The following RABGAP1L variants were observed in gnomAD, a reference collection of about 807,000 sequenced individuals.
The protein encoded by RABGAP1L is RAB GTPase activating protein 1 like.
A neutral mutation model predicts 137.7 loss-of-function variants in RABGAP1L; 63 were observed. That is an observed-to-expected ratio of 0.46 (90% CI 0.37 to 0.56). The LOEUF (loss-of-function observed/expected upper bound fraction) is 0.56. Ranked by LOEUF, RABGAP1L falls within the 20% of genes least tolerant of loss-of-function variation. The pLI, the probability that RABGAP1L is intolerant of heterozygous loss-of-function variation, is 0.00. For missense variants in RABGAP1L, 1,095 were observed against 1,244.0 expected (o/e 0.88, Z 1.80); for synonymous variants, 431 against 433.7 (o/e 0.99, Z 0.08).
intron 23 of RABGAP1L, 28 bp downstream of exon 23, chr1:174,978,918 T>C (rs1363021092): frequency 6.8e-7 from 1 of 1,469,448 alleles, no homozygotes; most frequent in Non-Finnish European, 9.0e-7. Context: ...CACATAGAGC[T>C]AGTTATAGTT....
intron 13 of RABGAP1L, among the ~76,000 whole-genome samples, chr1:174,611,352 A>G (rs914110395): frequency 1.4e-4 from 22 of 152,148 alleles, no homozygotes; most frequent in South Asian, 2.1e-4. Context: ...GTTTGTCAAA[A>G]ATCAGATAGT....
intron 17 of RABGAP1L, among the ~76,000 whole-genome samples, chr1:174,739,709 T>C (rs2148646868): frequency 1.3e-5 from 2 of 152,372 alleles, no homozygotes; most frequent in South Asian, 2.1e-4. Flanking sequence ...AACTTGTCAT[T>C]CCAGTCTTAA....
chr1:174,162,777 G>GTTTTT (rs67811794), intron 1 of RABGAP1L, among the ~76,000 whole-genome samples: 1 of 51,554 alleles, frequency 1.9e-5, no homozygotes. Context: ...TTCTCTTTCT[G>GTTTTT]TTTTTTTTTT....
At chr1:174,757,683 G>A (rs976700508) in intron 18 of RABGAP1L, among the ~76,000 whole-genome samples, 4 of 151,630 alleles carry the variant, frequency 2.6e-5, no homozygotes, top group African/African-American at 4.8e-5. Flanking sequence ...CTTTTTTGGG[G>A]AGAATATCCA....
At chr1:174,677,159 C>CCAAAAAAAAAA (rs1677696985) in intron 14 of RABGAP1L, among the ~76,000 whole-genome samples, 1 of 126,360 alleles carries the variant, frequency 7.9e-6, no homozygotes, top group African/African-American at 3.6e-5. Context: ...CCATCTCTAC[C>CCAAAAAAAAAA]AAAAAAAAAA....
chr1:174,949,074 G>T (rs1052949994), intron 19 of RABGAP1L, among the ~76,000 whole-genome samples: 9 of 152,104 alleles, frequency 5.9e-5, no homozygotes, highest in African/African-American at 2.2e-4. Context: ...TACCTATTTG[G>T]ATAGTTTTAT....
intron 3 of RABGAP1L, 70 bp from the exon 4 acceptor site, chr1:174,231,075 C>A: frequency 1.8e-6 from 2 of 1,098,764 alleles, no homozygotes; most frequent in Non-Finnish European, 2.7e-6. Flanking sequence ...TCTTTTTGGG[C>A]ATTGGCAAGA....
rs141939023 is a variant in RABGAP1L, at chr1:174,456,301, A to G, written c.1710+62156A>G. ...GCAGTCATCTACTGAATATATTGAGATATGTAGAATAAATTGAAACAGTGT... is the reference window on the plus strand; with the variant it reads ...GCAGTCATCTACTGAATATATTGAGGTATGTAGAATAAATTGAAACAGTGT... On this transcript the variant is annotated intron_variant, in intron 13 of 25. Coordinates refer to ENST00000681986, the MANE Select transcript of RABGAP1L (RefSeq NM_001366446.1). Among the ~76,000 whole-genome samples the G allele has an allele frequency of 2.9e-3, 448 of 152,224 alleles. 4 individuals are homozygous for G. Among genetic ancestry groups the G allele is most frequent in the Non-Finnish European group, 4.4e-3 (299 of 67,930 alleles).
intron 18 of RABGAP1L, among the ~76,000 whole-genome samples, chr1:174,772,363 A>C (rs776122158): frequency 2.2e-4 from 33 of 152,054 alleles, no homozygotes; most frequent in Non-Finnish European, 4.3e-4. Context: ...GGATCACCTG[A>C]GGTCAGGAGT....
At chr1:174,881,307 C>T (rs1216279906) in intron 19 of RABGAP1L, among the ~76,000 whole-genome samples, 1 of 151,960 alleles carries the variant, frequency 6.6e-6, no homozygotes, top group Non-Finnish European at 1.5e-5. Context: ...GATAGAAACA[C>T]ATAATATTGT....
chr1:174,187,034 CTT>C (rs1302170309), intron 1 of RABGAP1L, among the ~76,000 whole-genome samples: 1 of 152,150 alleles, frequency 6.6e-6, no homozygotes, highest in Non-Finnish European at 1.5e-5. Flanking sequence ...GTTTCACTGA[CTT>C]TTCAGTTTCC....
At chr1:174,747,982 T>C (rs1484221753) in intron 17 of RABGAP1L, among the ~76,000 whole-genome samples, 1 of 152,156 alleles carries the variant, frequency 6.6e-6, no homozygotes, top group African/African-American at 2.4e-5. Context: ...ATACTTTATC[T>C]TGTAGTTTGC....
chr1:174,434,047 C>G (rs1652949294), intron 13 of RABGAP1L, among the ~76,000 whole-genome samples: 1 of 151,730 alleles, frequency 6.6e-6, no homozygotes, highest in Admixed American at 6.6e-5. Flanking sequence ...TGAAAGTTCC[C>G]TCATACCTCT....
intron 13 of RABGAP1L, among the ~76,000 whole-genome samples, chr1:174,479,298 A>T (rs10912791): frequency 0.35 from 53,649 of 152,102 alleles, 12,118 homozygotes; most frequent in African/African-American, 0.64. Flanking sequence ...GCCCAGTGTT[A>T]CAGGTCTAAC....
At chr1:174,737,418 C>T (rs371360422) in intron 17 of RABGAP1L, among the ~76,000 whole-genome samples, 1 of 152,172 alleles carries the variant, frequency 6.6e-6, no homozygotes, top group Admixed American at 6.5e-5. Context: ...ATAAATTCCT[C>T]ATTTTCATCT....
At chr1:174,979,532 T>G (rs1670922618) in intron 23 of RABGAP1L, among the ~76,000 whole-genome samples, 1 of 152,330 alleles carries the variant, frequency 6.6e-6, no homozygotes, top group African/African-American at 2.4e-5. Context: ...AACATTTGCC[T>G]CTTTGTGAAG....
At chr1:174,518,511 T>C (rs1663067712) in intron 13 of RABGAP1L, among the ~76,000 whole-genome samples, 1 of 152,232 alleles carries the variant, frequency 6.6e-6, no homozygotes, top group Non-Finnish European at 1.5e-5. Context: ...GTTATTTTTT[T>C]CCTGAATATT....
chr1:174,854,924 G>A (rs554230092), intron 19 of RABGAP1L, among the ~76,000 whole-genome samples: 15 of 151,436 alleles, frequency 9.9e-5, no homozygotes, highest in Admixed American at 8.6e-4. Context: ...TTTTAGTAGA[G>A]ACAGGGTTTC....
At chr1:174,577,680 G>A (rs182998236) in intron 13 of RABGAP1L, among the ~76,000 whole-genome samples, 42 of 152,250 alleles carry the variant, frequency 2.8e-4, no homozygotes, top group Non-Finnish European at 5.0e-4. Context: ...AAACCTGAGC[G>A]TAATCTGTTT....
Sources: allele counts gnomAD v4.1 joint callset (sites outside exome capture counted in the v4.1 genomes callset), GRCh38; gene constraint gnomAD v4.1.1; transcripts MANE v1.5; gene names NCBI Gene and HGNC (gene_info 2026-07-23, HGNC 2026-07-21).